Variants in CLOCK observed in about 807,000 individuals in gnomAD.
CLOCK encodes the protein clock circadian regulator.
Under a neutral mutation model 118.4 loss-of-function variants are expected in CLOCK, and 43 were observed. The observed-to-expected ratio is 0.36, with a 90% CI of 0.28 to 0.47. CLOCK has a LOEUF of 0.47. Ranked by LOEUF, CLOCK falls within the 20% of genes least tolerant of loss-of-function variation. The pLI is 1.00. For synonymous variants in CLOCK, 326 were observed against 339.2 expected, an observed-to-expected ratio of 0.96 and a Z score of 0.43; for missense variants, 846 against 999.9, an observed-to-expected ratio of 0.85 and a Z score of 2.08.
chr4:55,537,431 C>A (rs1464765330), intron 1 of CLOCK, among the ~76,000 whole-genome samples: 1 of 152,038 alleles, frequency 6.6e-6, no homozygotes. Context: ...CCAGCCTGGG[C>A]AACATAGTGA....
intron 1 of CLOCK, among the ~76,000 whole-genome samples, chr4:55,525,589 G>A (rs7675109): frequency 0.34 from 51,341 of 151,846 alleles, 9,375 homozygotes; most frequent in East Asian, 0.58. Flanking sequence ...TGCAACCTCC[G>A]CCTCTCGAGT....
intron 16 of CLOCK, 63 bp downstream of exon 16, chr4:55,450,028 T>G: frequency 6.4e-7 from 1 of 1,560,516 alleles, no homozygotes; most frequent in Non-Finnish European, 8.8e-7. Flanking sequence ...AATGCTGATA[T>G]AAGTAACTAA....
At chr4:55,440,073 T>C (rs1404164009) in intron 21 of CLOCK, among the ~76,000 whole-genome samples, 3 of 152,170 alleles carry the variant, frequency 2.0e-5, no homozygotes, top group African/African-American at 7.2e-5. Context: ...TACTAGGTAC[T>C]AGGGGTGTCA....
chr4:55,473,590 C>CT (rs1164133140), intron 7 of CLOCK, among the ~76,000 whole-genome samples: 2 of 152,150 alleles, frequency 1.3e-5, no homozygotes, highest in Non-Finnish European at 2.9e-5. Flanking sequence ...TGGCTATAAT[C>CT]TATTTATACA....
intron 18 of CLOCK, among the ~76,000 whole-genome samples, chr4:55,448,425 A>AAG (rs1724061088): frequency 6.6e-6 from 1 of 152,156 alleles, no homozygotes; most frequent in Non-Finnish European, 1.5e-5. Context: ...TTTGTTGTGC[A>AAG]AGACTCTTAT....
At chr4:55,479,553 T>C (rs1726772055) in intron 5 of CLOCK, 87 bp downstream of exon 5, 3 of 1,128,814 alleles carry the variant, frequency 2.7e-6, no homozygotes, top group Non-Finnish European at 2.6e-6. Context: ...GCACATAGCT[T>C]TTGGAAATCA....
intron 8 of CLOCK, among the ~76,000 whole-genome samples, chr4:55,464,529 G>A (rs936977548): frequency 1.2e-4 from 19 of 152,128 alleles, no homozygotes; most frequent in African/African-American, 4.6e-4. Flanking sequence ...GGTTTCCTGC[G>A]TTTCAAACTG....
At chr4:55,485,928 C>T (rs889767404) in intron 3 of CLOCK, among the ~76,000 whole-genome samples, 1 of 152,040 alleles carries the variant, frequency 6.6e-6, no homozygotes, top group African/African-American at 2.4e-5. Flanking sequence ...AAACAAAGTT[C>T]CCCAACTATA....
intron 1 of CLOCK, among the ~76,000 whole-genome samples, chr4:55,544,384 T>C (rs1731476339): frequency 6.6e-6 from 1 of 151,806 alleles, no homozygotes; most frequent in Admixed American, 6.6e-5. Context: ...CATCTATGAC[T>C]CCTGAAAAAA....
At chr4:55,442,388 T>A (rs191796570) in intron 21 of CLOCK, 44 bp downstream of exon 21, 1 of 1,512,760 alleles carries the variant, frequency 6.6e-7, no homozygotes, top group East Asian at 2.3e-5. Context: ...TTCTAATCAA[T>A]CGGTTTACAA....
At chr4:55,530,025 T>C (rs570640760) in intron 1 of CLOCK, among the ~76,000 whole-genome samples, 1 of 152,348 alleles carries the variant, frequency 6.6e-6, no homozygotes, top group East Asian at 1.9e-4. Flanking sequence ...ATTCTGCTAG[T>C]AAGTATCCCA....
At chr4:55,536,959 A>G (rs903098761) in intron 1 of CLOCK, among the ~76,000 whole-genome samples, 4 of 152,216 alleles carry the variant, frequency 2.6e-5, no homozygotes, top group African/African-American at 4.8e-5. Flanking sequence ...TCAACTGCAC[A>G]TGAAGAACAC....
intron 22 of CLOCK, among the ~76,000 whole-genome samples, chr4:55,436,982 CCT>C (rs1722932683): frequency 6.9e-6 from 1 of 144,424 alleles, no homozygotes; most frequent in African/African-American, 2.6e-5. Flanking sequence ...TAAGGCAGGT[CCT>C]CTCCTTTTTT....
intron 2 of CLOCK, among the ~76,000 whole-genome samples, chr4:55,500,048 A>C (rs1728335714): frequency 6.6e-6 from 1 of 152,156 alleles, no homozygotes; most frequent in East Asian, 1.9e-4. Context: ...CTCAGGGCAC[A>C]GCTGGGAGAG....
Position 55,435,243 on chromosome 4 carries a change from C to T in CLOCK, c.*172G>A. 3 of 715,528 alleles carry T rather than the reference C, an allele frequency of 4.2e-6. No homozygotes were observed. The highest frequency in any genetic ancestry group is 3.5e-5 in the South Asian group (2 of 57,546). 44.3% of individuals were successfully genotyped at this position (715,528 alleles called of 1,614,324 possible). ...CTCCTGCTGGCTGGTATTTAATGTACATCTGTAGCACTAGGCAGCATTTTC... is the reference window on the plus strand; with the variant it reads ...CTCCTGCTGGCTGGTATTTAATGTATATCTGTAGCACTAGGCAGCATTTTC... On this transcript the variant is annotated 3_prime_UTR_variant, in exon 23 of 23. Transcript: ENST00000513440.
intron 1 of CLOCK, among the ~76,000 whole-genome samples, chr4:55,539,759 TAC>T (rs752331068): frequency 2.7e-4 from 41 of 152,062 alleles, no homozygotes; most frequent in African/African-American, 8.7e-4. Context: ...AGTAAATTAT[TAC>T]ACAGAGATGA....
In CLOCK at chr4:55,464,353, A is replaced by G. The variant is rs138532577; in HGVS notation, c.439-548T>C. On this transcript the variant is annotated intron_variant, in intron 8 of 22. Coordinates refer to ENST00000513440, the MANE Select transcript of CLOCK (RefSeq NM_004898.4). Reference sequence around the variant, plus strand: ...ATGTTAAGCATTAGAATTCTTGTTAATACACAGCTTTAATCGTGATTAATC... The same window carrying G: ...ATGTTAAGCATTAGAATTCTTGTTAGTACACAGCTTTAATCGTGATTAATC... 6.4e-3 allele frequency among the ~76,000 whole-genome samples: 977 copies of G among 152,336 alleles called. 16 individuals are homozygous for G. The highest frequency in any genetic ancestry group is 0.022 in the African/African-American group (909 of 41,588).
At chr4:55,453,180 A>C in intron 14 of CLOCK, 51 bp from the exon 15 acceptor site, 1 of 1,400,710 alleles carries the variant, frequency 7.1e-7, no homozygotes, top group Non-Finnish European at 1.0e-6. Flanking sequence ...TTCGTTTAAA[A>C]TACTGCACAG....
chr4:55,449,311 C>T (rs1724219213), intron 17 of CLOCK, 85 bp downstream of exon 17: 1 of 1,236,190 alleles, frequency 8.1e-7, no homozygotes, highest in African/African-American at 1.5e-5. Context: ...AGAGGGGTGA[C>T]AAATAGATGA....
Sources: allele counts gnomAD v4.1 joint callset (sites outside exome capture counted in the v4.1 genomes callset), GRCh38; gene constraint gnomAD v4.1.1; transcripts MANE v1.5; gene names NCBI Gene and HGNC (gene_info 2026-07-23, HGNC 2026-07-21).